The following OXR1 variants were observed in gnomAD, a reference collection of about 807,000 sequenced individuals.
OXR1 encodes the protein oxidation resistance 1.
OXR1 carries 41 observed loss-of-function variants against 104.6 expected under a neutral mutation model. The observed-to-expected ratio is 0.39, with a 90% confidence interval of 0.31 to 0.51. OXR1 has a LOEUF of 0.51. Ranked by LOEUF, OXR1 falls within the 20% of genes least tolerant of loss-of-function variation. The pLI is 0.77. For synonymous variants in OXR1, 348 were observed against 348.4 expected, an observed-to-expected ratio of 1.00 and a Z score of 0.01; for missense variants, 955 against 1,031.9, an observed-to-expected ratio of 0.93 and a Z score of 1.02.
At chr8:106,305,619 A>G (rs533553313) in intron 1 of OXR1, among the ~76,000 whole-genome samples, 1 of 152,180 alleles carries the variant, frequency 6.6e-6, no homozygotes, top group South Asian at 2.1e-4. Context: ...TTTTAATTCC[A>G]TGCATCCCCA....
chr8:106,579,623 A>G (rs953482560), intron 3 of OXR1, among the ~76,000 whole-genome samples: 3 of 152,068 alleles, frequency 2.0e-5, no homozygotes, highest in Admixed American at 2.0e-4. Context: ...TCACCCTTTC[A>G]CCATCCAGAC....
At chr8:106,732,963 G>A (rs1025209373) in intron 11 of OXR1, among the ~76,000 whole-genome samples, 4 of 152,098 alleles carry the variant, frequency 2.6e-5, no homozygotes, top group African/African-American at 9.7e-5. Context: ...TAATTTCTTC[G>A]TAAATGTTTG....
chr8:106,541,193 C>G (rs1044849799), intron 3 of OXR1, among the ~76,000 whole-genome samples: 1 of 152,030 alleles, frequency 6.6e-6, no homozygotes, highest in African/African-American at 2.4e-5. Context: ...ACAAATAATA[C>G]CCACAAGTAA....
At chr8:106,688,006 C>G (rs1049675684) in intron 6 of OXR1, among the ~76,000 whole-genome samples, 2 of 152,066 alleles carry the variant, frequency 1.3e-5, no homozygotes, top group African/African-American at 4.8e-5. Context: ...TTATAAAAGT[C>G]GATATAGTAA....
At chr8:106,738,561 C>A (rs1238987794) in intron 12 of OXR1, among the ~76,000 whole-genome samples, 1 of 151,820 alleles carries the variant, frequency 6.6e-6, no homozygotes, top group Non-Finnish European at 1.5e-5. Flanking sequence ...CAATAGAATT[C>A]TGCATATTTT....
intron 16 of OXR1, 36 bp from the exon 17 acceptor site, chr8:106,750,770 C>G: frequency 2.7e-6 from 4 of 1,461,704 alleles, no homozygotes; most frequent in Non-Finnish European, 3.7e-6. Flanking sequence ...TAACTTAAGG[C>G]ATAAATATTA....
At chr8:106,490,479 C>T (rs1469439553) in intron 2 of OXR1, among the ~76,000 whole-genome samples, 1 of 152,158 alleles carries the variant, frequency 6.6e-6, no homozygotes, top group East Asian at 1.9e-4. Context: ...CTGCCTCAGC[C>T]TCCCTAGTAG....
chr8:106,448,820 C>T (rs1018166127), intron 2 of OXR1, among the ~76,000 whole-genome samples: 6 of 152,144 alleles, frequency 3.9e-5, no homozygotes, highest in Non-Finnish European at 7.4e-5. Flanking sequence ...CATGAATTCT[C>T]ATTATTCCTG....
intron 14 of OXR1, among the ~76,000 whole-genome samples, chr8:106,741,595 C>T (rs1365061423): frequency 6.6e-6 from 1 of 152,068 alleles, no homozygotes; most frequent in Non-Finnish European, 1.5e-5. Context: ...TAGACAGTGA[C>T]TGTACAGATT....
At chr8:106,313,406 A>G (rs1216741621) in intron 1 of OXR1, among the ~76,000 whole-genome samples, 1 of 152,172 alleles carries the variant, frequency 6.6e-6, no homozygotes, top group Non-Finnish European at 1.5e-5. Context: ...TCTGTCCTGT[A>G]GTAGATTTTA....
intron 3 of OXR1, among the ~76,000 whole-genome samples, chr8:106,570,312 TG>T (rs1817384145): frequency 6.6e-6 from 1 of 152,196 alleles, no homozygotes; most frequent in Non-Finnish European, 1.5e-5. Context: ...TATTGCATAG[TG>T]CTCCGCTTTG....
chr8:106,467,875 A>G (rs1283033785), intron 2 of OXR1, among the ~76,000 whole-genome samples: 1 of 151,918 alleles, frequency 6.6e-6, no homozygotes, highest in Admixed American at 6.6e-5. Context: ...AATTGTACCA[A>G]TGGAAGATAG....
At chr8:106,636,315 AT>A (rs11348392) in intron 3 of OXR1, among the ~76,000 whole-genome samples, 57,898 of 148,464 alleles carry the variant, frequency 0.39, 11,465 homozygotes, top group African/African-American at 0.51. Context: ...AAAGCACATC[AT>A]TTTTTTTTTT....
At chr8:106,548,053 T>G (rs1464136906) in intron 3 of OXR1, among the ~76,000 whole-genome samples, 2 of 152,188 alleles carry the variant, frequency 1.3e-5, no homozygotes. Context: ...AACATATTGT[T>G]TCTCATGGTG....
intron 3 of OXR1, among the ~76,000 whole-genome samples, chr8:106,667,443 GT>G (rs1241458618): frequency 6.6e-6 from 1 of 152,174 alleles, no homozygotes; most frequent in Non-Finnish European, 1.5e-5. Context: ...AGAAATGCAT[GT>G]TTAAGTTTTC....
intron 3 of OXR1, among the ~76,000 whole-genome samples, chr8:106,650,478 T>G (rs1388561241): frequency 6.6e-6 from 1 of 152,210 alleles, no homozygotes; most frequent in Non-Finnish European, 1.5e-5. Flanking sequence ...GATTGAGAAA[T>G]GCAGTCTATC....
At chr8:106,568,999 T>C (rs1021129863) in intron 3 of OXR1, among the ~76,000 whole-genome samples, 1 of 152,162 alleles carries the variant, frequency 6.6e-6, no homozygotes, top group Non-Finnish European at 1.5e-5. Flanking sequence ...TGCTTTGATA[T>C]CTGTTTTTCA....
rs565608058 is a variant in OXR1, at chr8:106,700,594, AAAAGTAGACTC to A, written c.676-2310_676-2300del. On this transcript the variant is annotated intron_variant, in intron 7 of 16. Coordinates refer to ENST00000517566, the MANE Select transcript of OXR1 (RefSeq NM_001198533.2). Reference sequence around the variant, plus strand: ...AGGACTTCAAACTCTTTCTAATCCAAAAAGTAGACTCATGGTTTTGAGATGCTTTTCAAATG... The same window carrying A: ...AGGACTTCAAACTCTTTCTAATCCAAATGGTTTTGAGATGCTTTTCAAATG... Among the ~76,000 whole-genome samples, 181 of 152,312 alleles carry A rather than the reference AAAAGTAGACTC, an allele frequency of 1.2e-3. 2 individuals carry two copies. Among genetic ancestry groups the A allele is most frequent in the African/African-American group, 4.2e-3 (174 of 41,578 alleles).
intron 3 of OXR1, among the ~76,000 whole-genome samples, chr8:106,574,061 G>T (rs1197683186): frequency 6.6e-6 from 1 of 152,188 alleles, no homozygotes; most frequent in Non-Finnish European, 1.5e-5. Context: ...CTATTTAAAT[G>T]TTGGGAAATG....
Sources: gnomAD v4.1 joint callset for allele counts (sites outside exome capture counted in the v4.1 genomes callset) on GRCh38, gnomAD v4.1.1 for gene constraint, MANE v1.5 for transcripts, NCBI Gene and HGNC (gene_info 2026-07-23, HGNC 2026-07-21) for gene names.